GALNT13: variants seen among roughly 807,000 people sequenced by gnomAD.
GALNT13 encodes the protein polypeptide N-acetylgalactosaminyltransferase 13, also known as UDP-GalNAc:polypeptide N-acetylgalactosaminyltransferase 13.
Under a neutral mutation model 64.2 loss-of-function variants are expected in GALNT13, and 28 were observed. The observed-to-expected ratio is 0.44, with a 90% confidence interval of 0.32 to 0.60. GALNT13 has a LOEUF of 0.60. Among genes scored for constraint, GALNT13 ranks in the 20% least tolerant of loss-of-function variants. The pLI is 0.05. For missense variants in GALNT13, 577 were observed against 669.8 expected, an observed-to-expected ratio of 0.86 and a Z score of 1.53; for synonymous variants, 214 against 224.6, an observed-to-expected ratio of 0.95 and a Z score of 0.42.
At chr2:153,547,531 T>C in the GALNT13 span, among the ~76,000 whole-genome samples, 1 of 152,162 alleles carries the variant, frequency 6.6e-6, no homozygotes, top group Non-Finnish European at 1.5e-5. Context: ...TCTTAATATA[T>C]AAAATAATTT....
intron 11 of GALNT13, among the ~76,000 whole-genome samples, chr2:154,420,817 G>A (rs1053003883): frequency 6.6e-6 from 1 of 152,044 alleles, no homozygotes; most frequent in Non-Finnish European, 1.5e-5. Context: ...AATAATGTCT[G>A]TGATTTCTAA....
chr2:153,575,151 T>C, the GALNT13 span, among the ~76,000 whole-genome samples: 1 of 152,182 alleles, frequency 6.6e-6, no homozygotes, highest in African/African-American at 2.4e-5. Context: ...TGACAGGATC[T>C]GGGAGAAGTC....
chr2:153,733,437 A>G, the GALNT13 span, among the ~76,000 whole-genome samples: 1 of 152,310 alleles, frequency 6.6e-6, no homozygotes, highest in African/African-American at 2.4e-5. Context: ...AAATATATGT[A>G]GAATGATTTT....
the GALNT13 span, among the ~76,000 whole-genome samples, chr2:153,570,436 G>T: frequency 6.6e-6 from 1 of 152,034 alleles, no homozygotes; most frequent in East Asian, 1.9e-4. Flanking sequence ...TGTTTCCTTT[G>T]CTGTGCAGAA....
rs778627810 is a variant in GALNT13 at position 154,409,027 on chromosome 2, G to A, written c.1340G>A (p.Arg447His). ...ETNQCLDNMG[R>H]KENEKVGIFN... ...AATCAGTGTTTAGACAACATGGGCC[G>A]CAAGGAAAATGAAAAAGTGGGTATA... The change falls in exon 11 of 13, where the codon CGC becomes CAC. Residue 447 changes from arginine to histidine, a missense_variant. Coordinates refer to ENST00000392825, the MANE Select transcript of GALNT13 (RefSeq NM_052917.4). 18 of 1,611,266 alleles carry A rather than the reference G, an allele frequency of 1.1e-5. No homozygotes were observed. The highest frequency in any genetic ancestry group is 2.7e-5 in the African/African-American group (2 of 74,750).
At chr2:153,543,142 A>G in the GALNT13 span, among the ~76,000 whole-genome samples, 21 of 152,208 alleles carry the variant, frequency 1.4e-4, no homozygotes, top group Admixed American at 1.2e-3. Flanking sequence ...TAATCTGTTG[A>G]GTGGAAATAC....
the GALNT13 span, among the ~76,000 whole-genome samples, chr2:153,350,870 A>G: frequency 6.6e-6 from 1 of 152,142 alleles, no homozygotes; most frequent in African/African-American, 2.4e-5. Flanking sequence ...TTAAGTTCCT[A>G]TTTACATTCT....
intron 3 of GALNT13, among the ~76,000 whole-genome samples, chr2:154,100,721 T>A (rs1310577346): frequency 1.3e-5 from 2 of 152,066 alleles, no homozygotes; most frequent in South Asian, 2.1e-4. Context: ...ATTGCTCTGG[T>A]TAGGAATTCC....
chr2:154,003,821 C>A (rs1444996097), intron 3 of GALNT13, among the ~76,000 whole-genome samples: 1 of 152,134 alleles, frequency 6.6e-6, no homozygotes, highest in East Asian at 1.9e-4. Context: ...CTTCCCCCTC[C>A]TCTTCCTCCT....
the GALNT13 span, among the ~76,000 whole-genome samples, chr2:153,219,954 G>A: frequency 1.3e-5 from 2 of 152,192 alleles, no homozygotes; most frequent in African/African-American, 4.8e-5. Context: ...CCTGGTCTCT[G>A]TTCTAACACT....
chr2:153,118,123 ACACACACACACACACACACACACC>A, the GALNT13 span, among the ~76,000 whole-genome samples: 1 of 149,172 alleles, frequency 6.7e-6, no homozygotes, highest in African/African-American at 2.5e-5. Context: ...ACACACACAC[ACACACACACACACACACACACACC>A]CCACATAAAC....
chr2:153,935,400 T>G (rs1690833014), intron 2 of GALNT13, among the ~76,000 whole-genome samples: 1 of 152,198 alleles, frequency 6.6e-6, no homozygotes, highest in Non-Finnish European at 1.5e-5. Context: ...GGATTTTTTA[T>G]TTAACTTTAT....
At chr2:154,053,092 ACTTCCCACAG>A (rs1309009867) in intron 3 of GALNT13, among the ~76,000 whole-genome samples, 1 of 152,050 alleles carries the variant, frequency 6.6e-6, no homozygotes, top group African/African-American at 2.4e-5. Flanking sequence ...ATCTTAAAAA[ACTTCCCACAG>A]CTGATGTAAT....
chr2:153,881,116 A>G (rs966608045), intron 1 of GALNT13, among the ~76,000 whole-genome samples: 1 of 152,262 alleles, frequency 6.6e-6, no homozygotes, highest in South Asian at 2.1e-4. Flanking sequence ...ACCTTTGTCT[A>G]CTTTTAGAGT....
At chr2:154,061,343 CAT>C (rs1482586393) in intron 3 of GALNT13, among the ~76,000 whole-genome samples, 1 of 152,168 alleles carries the variant, frequency 6.6e-6, no homozygotes, top group Non-Finnish European at 1.5e-5. Flanking sequence ...AGCTTTCCGC[CAT>C]GTGACCTGAC....
the GALNT13 span, among the ~76,000 whole-genome samples, chr2:153,634,542 C>G: frequency 2.2e-5 from 2 of 91,252 alleles, no homozygotes; most frequent in African/African-American, 4.6e-5. Flanking sequence ...AGATGGAAAT[C>G]TTTTTTTTTT....
At chr2:153,726,956 A>C in the GALNT13 span, among the ~76,000 whole-genome samples, 10 of 150,506 alleles carry the variant, frequency 6.6e-5, no homozygotes, top group East Asian at 2.0e-4. Flanking sequence ...AAAAAAAAAA[A>C]CAAAAAAAAA....
chr2:153,220,996 C>T, the GALNT13 span, among the ~76,000 whole-genome samples: 14 of 152,174 alleles, frequency 9.2e-5, no homozygotes, highest in African/African-American at 2.9e-4. Flanking sequence ...AGGTGGAGAT[C>T]AAGAGGAAGG....
In GALNT13 at chr2:154,230,763, C is replaced by T. The variant is rs141243910; in HGVS notation, c.312-11267C>T. On this transcript the variant is annotated intron_variant, in intron 4 of 12. Coordinates refer to ENST00000392825, the MANE Select transcript of GALNT13 (RefSeq NM_052917.4). Reference sequence around the variant, plus strand: ...TCCACTGAAACCCCAGAAGAATTATCTATGGATGTTCAGAGAGCCATGCAA... The same window carrying T: ...TCCACTGAAACCCCAGAAGAATTATTTATGGATGTTCAGAGAGCCATGCAA... Among the ~76,000 whole-genome samples the T allele has an allele frequency of 1.3e-3, 192 of 152,168 alleles. 1 individual carries two copies. The highest frequency in any genetic ancestry group is 4.3e-3 in the African/African-American group (180 of 41,526).
Sources: allele counts gnomAD v4.1 joint callset (sites outside exome capture counted in the v4.1 genomes callset), GRCh38; gene constraint gnomAD v4.1.1; transcripts MANE v1.5; gene names NCBI Gene and HGNC (gene_info 2026-07-23, HGNC 2026-07-21).